Variants in KCNN2 observed in about 807,000 individuals in gnomAD.
The protein encoded by KCNN2 is small conductance calcium-activated potassium channel protein 2.
KCNN2 carries 24 observed loss-of-function variants against 55.5 expected under a neutral mutation model. The ratio of observed to expected loss-of-function variants is 0.43; its 90% CI spans 0.31 to 0.61. The LOEUF (loss-of-function observed/expected upper bound fraction) is 0.61. Ranked by LOEUF, KCNN2 falls within the 20% of genes least tolerant of loss-of-function variation. The probability of loss-of-function intolerance (pLI) is 0.08; values close to 1 mark genes in which losing one functional copy is unlikely to be tolerated. For missense variants in KCNN2, 754 were observed against 853.6 expected (o/e 0.88, Z 1.45); for synonymous variants, 431 against 336.1 (o/e 1.28, Z -3.09).
At chr5:114,129,448 A>G (rs935458613) in intron 1 of KCNN2, among the ~76,000 whole-genome samples, 1 of 152,242 alleles carries the variant, frequency 6.6e-6, no homozygotes, top group Non-Finnish European at 1.5e-5. Context: ...TAAGGTAACA[A>G]GAAGAAAAAG....
intron 7 of KCNN2, among the ~76,000 whole-genome samples, chr5:114,495,663 C>A (rs1300314294): frequency 1.3e-5 from 2 of 152,170 alleles, no homozygotes; most frequent in African/African-American, 4.8e-5. Flanking sequence ...CCACCAGTAG[C>A]AGTACCTGCT....
Position 114,137,705 on chromosome 5 carries a change from A to G in KCNN2, c.-271+81205A>G, listed in dbSNP as rs929933863. Among the ~76,000 whole-genome samples the G allele has an allele frequency of 5.3e-5, 8 of 152,298 alleles. No homozygotes were observed. In the South Asian group the frequency reaches 1.2e-3, roughly 24 times the overall value. ...GCCTCATTGGCTCTAGAAATCTAGA[A>G]GAAATCAAAAAGTAGCTCCAATAAT... On this transcript the variant is annotated intron_variant, in intron 1 of 10. Transcript: ENST00000512097.
chr5:114,475,663 A>G (rs1340546346), intron 5 of KCNN2, among the ~76,000 whole-genome samples: 1 of 152,162 alleles, frequency 6.6e-6, no homozygotes, highest in Non-Finnish European at 1.5e-5. Flanking sequence ...CCACTCAGAA[A>G]ATCAGACGAA....
intron 2 of KCNN2, among the ~76,000 whole-genome samples, chr5:114,319,846 T>A (rs1467998171): frequency 6.6e-6 from 1 of 152,236 alleles, no homozygotes; most frequent in African/African-American, 2.4e-5. Context: ...TTCTATAATA[T>A]TTTTATGTGC....
intron 2 of KCNN2, among the ~76,000 whole-genome samples, chr5:114,393,015 C>G (rs1032853834): frequency 3.9e-5 from 6 of 152,006 alleles, no homozygotes; most frequent in African/African-American, 1.2e-4. Flanking sequence ...ATATACTGTT[C>G]CATGATGGAG....
intron 1 of KCNN2, among the ~76,000 whole-genome samples, chr5:114,075,530 C>G (rs1750667996): frequency 6.6e-6 from 1 of 152,052 alleles, no homozygotes; most frequent in South Asian, 2.1e-4. Context: ...GGCAATTGAA[C>G]CTGGAAATAA....
intron 2 of KCNN2, among the ~76,000 whole-genome samples, chr5:114,332,824 C>A (rs892572136): frequency 3.3e-5 from 5 of 152,178 alleles, no homozygotes; most frequent in East Asian, 1.9e-4. Flanking sequence ...AAGAACCATT[C>A]TTTCCTAACT....
At chr5:114,460,519 C>T in intron 3 of KCNN2, among the ~76,000 whole-genome samples, 1 of 152,108 alleles carries the variant, frequency 6.6e-6, no homozygotes, top group Non-Finnish European at 1.5e-5. Context: ...GGTAGGATTC[C>T]AGGTGTGAGC....
chr5:114,314,278 C>G (rs956580530), intron 2 of KCNN2, among the ~76,000 whole-genome samples: 2 of 152,128 alleles, frequency 1.3e-5, no homozygotes, highest in African/African-American at 2.4e-5. Flanking sequence ...ACACCTTGCA[C>G]TGGTGTGGAA....
At chr5:114,175,181 A>C (rs968930854) in intron 1 of KCNN2, among the ~76,000 whole-genome samples, 2 of 152,190 alleles carry the variant, frequency 1.3e-5, no homozygotes, top group South Asian at 2.1e-4. Flanking sequence ...AACAATTGCT[A>C]TCTCTTTAGG....
chr5:114,068,328 A>G (rs1485673198), intron 1 of KCNN2, among the ~76,000 whole-genome samples: 1 of 152,220 alleles, frequency 6.6e-6, no homozygotes, highest in Non-Finnish European at 1.5e-5. Flanking sequence ...TTCAACTTTG[A>G]GCTTCTAAGG....
intron 1 of KCNN2, among the ~76,000 whole-genome samples, chr5:114,203,460 C>G (rs1753714291): frequency 6.6e-6 from 1 of 152,154 alleles, no homozygotes. Flanking sequence ...TTCATCAGTG[C>G]AAATATAAAT....
At chr5:114,384,255 C>T (rs559608415) in intron 2 of KCNN2, among the ~76,000 whole-genome samples, 181 of 152,172 alleles carry the variant, frequency 1.2e-3, no homozygotes, top group Middle Eastern at 3.4e-3. Flanking sequence ...TAGTTTCCTC[C>T]GAATTTTACA....
upstream of KCNN2, among the ~76,000 whole-genome samples, chr5:114,361,778 C>T (rs1291858978): frequency 2.0e-5 from 3 of 152,174 alleles, no homozygotes; most frequent in South Asian, 2.1e-4. Flanking sequence ...CCCCTGCAGC[C>T]CAGCTGCACT....
At chr5:114,402,134 A>T in intron 2 of KCNN2, among the ~76,000 whole-genome samples, 1 of 152,220 alleles carries the variant, frequency 6.6e-6, no homozygotes, top group Non-Finnish European at 1.5e-5. Flanking sequence ...AGAGAAAGAC[A>T]GTGAGATCCT....
At chr5:114,175,627 G>A (rs1753118653) in intron 1 of KCNN2, among the ~76,000 whole-genome samples, 1 of 152,026 alleles carries the variant, frequency 6.6e-6, no homozygotes, top group African/African-American at 2.4e-5. Context: ...GTGACTGAAG[G>A]AGGGAGATGT....
chr5:114,317,873 C>G (rs946598946), intron 2 of KCNN2, among the ~76,000 whole-genome samples: 2 of 152,222 alleles, frequency 1.3e-5, no homozygotes, highest in African/African-American at 4.8e-5. Flanking sequence ...AGGCAACGTG[C>G]CTGCCCATCT....
At chr5:114,065,787 A>G (rs1168975526) in intron 1 of KCNN2, among the ~76,000 whole-genome samples, 1 of 148,568 alleles carries the variant, frequency 6.7e-6, no homozygotes, top group African/African-American at 2.5e-5. Flanking sequence ...ATATCTTCCA[A>G]AAAGAAGCAA....
At chr5:114,397,336 A>G (rs752713091) in intron 2 of KCNN2, among the ~76,000 whole-genome samples, 10 of 152,170 alleles carry the variant, frequency 6.6e-5, no homozygotes, top group Non-Finnish European at 1.5e-4. Context: ...TTACATTCCT[A>G]CCAGAAGTGT....
Sources: gnomAD v4.1 joint callset for allele counts (sites outside exome capture counted in the v4.1 genomes callset) on GRCh38, gnomAD v4.1.1 for gene constraint, MANE v1.5 for transcripts, NCBI Gene and HGNC (gene_info 2026-07-23, HGNC 2026-07-21) for gene names.